Variants in SYNCRIP observed in about 807,000 individuals in gnomAD.
SYNCRIP encodes synaptotagmin binding cytoplasmic RNA interacting protein.
In SYNCRIP, 9 loss-of-function variants were observed where a neutral mutation model predicts 68.9. That is an observed-to-expected ratio of 0.13 (90% CI 0.08 to 0.23). The LOEUF (loss-of-function observed/expected upper bound fraction) is 0.23, where lower values mean the gene tolerates loss of function less well. SYNCRIP is among the 10% of genes least tolerant of loss of function. The pLI, the probability that SYNCRIP is intolerant of heterozygous loss-of-function variation, is 1.00. For synonymous variants in SYNCRIP, 258 were observed against 254.0 expected, an observed-to-expected ratio of 1.02 and a Z score of -0.15; for missense variants, 414 against 770.6, an observed-to-expected ratio of 0.54 and a Z score of 5.48.
intron 10 of SYNCRIP, among the ~76,000 whole-genome samples, chr6:85,617,665 T>C (rs866377780): frequency 6.6e-6 from 1 of 152,240 alleles, no homozygotes; most frequent in South Asian, 2.1e-4. Context: ...GGTTCAGAGC[T>C]TGCCAACTTG....
At chr6:85,629,409 C>T (rs554093563) in intron 6 of SYNCRIP, among the ~76,000 whole-genome samples, 1 of 151,436 alleles carries the variant, frequency 6.6e-6, no homozygotes, top group Non-Finnish European at 1.5e-5. Context: ...TATCTCTGAA[C>T]CTACCTTGTC....
At chr6:85,622,364 G>C (rs776324151) in intron 8 of SYNCRIP, 118 bp downstream of exon 8, 1 of 980,648 alleles carries the variant, frequency 1.0e-6, no homozygotes, top group African/African-American at 1.6e-5. Flanking sequence ...GGAAACAAGA[G>C]ACTCTTGTCT....
intron 6 of SYNCRIP, among the ~76,000 whole-genome samples, chr6:85,628,728 G>C (rs1807352579): frequency 6.6e-6 from 1 of 152,182 alleles, no homozygotes; most frequent in Admixed American, 6.5e-5. Context: ...ACCACAGCTT[G>C]TTAAACTAGT....
At chr6:85,640,399 T>C in intron 3 of SYNCRIP, 47 bp downstream of exon 3, 2 of 1,573,140 alleles carry the variant, frequency 1.3e-6, no homozygotes, top group Non-Finnish European at 1.7e-6. Flanking sequence ...GCAGATAGTA[T>C]CAAAACTACT....
intron 10 of SYNCRIP, 142 bp downstream of exon 10, chr6:85,618,676 G>T: frequency 3.2e-6 from 2 of 618,778 alleles, no homozygotes; most frequent in Non-Finnish European, 5.4e-6. Context: ...GATCACTGGT[G>T]TTTCCCTATG....
At chr6:85,643,855 T>G (rs899294516), upstream of SYNCRIP, 1 of 152,016 alleles carries the variant, frequency 6.6e-6, no homozygotes, top group Non-Finnish European at 1.5e-5. Flanking sequence ...CTCGGGAAGC[T>G]GCAGGCGCAC....
In SYNCRIP at chr6:85,614,414, T is replaced by C; in HGVS notation, c.*342A>G. 1 of 1,015,804 alleles carries C rather than the reference T, an allele frequency of 9.8e-7. No individual in the cohort carries two copies. The highest frequency in any genetic ancestry group is 1.2e-6 in the Non-Finnish European group (1 of 850,544). The allele number at this position is 1,015,804 out of a possible 1,614,324, so 62.9% of individuals were successfully genotyped here. A position where few individuals can be genotyped will look rare whatever the true frequency, so the allele number is the denominator to read the frequency against. ...AAGATATTAAAGACACACTTGGTTT[T>C]AATCAACTACCTTTGAAGACACCAA... On this transcript the variant is annotated 3_prime_UTR_variant, in exon 11 of 11. Coordinates refer to ENST00000369622, the MANE Select transcript of SYNCRIP (RefSeq NM_006372.5).
chr6:85,614,464 T>C lies in SYNCRIP; in HGVS notation c.*292A>G, dbSNP rs1805535505. The C allele has an allele frequency of 2.7e-6, 3 of 1,106,138 alleles. No individual in the cohort carries two copies. The highest frequency in any genetic ancestry group is 3.3e-6 in the Non-Finnish European group (3 of 908,006). The allele number at this position is 1,106,138 out of a possible 1,614,324, so 68.5% of individuals were successfully genotyped here. A position where few individuals can be genotyped will look rare whatever the true frequency, so the allele number is the denominator to read the frequency against. Reference sequence around the variant, plus strand: ...AATCTAAACACTACTGGAAACATCGTTGACACTACAGCCAAATGGACTTGA... The same window carrying C: ...AATCTAAACACTACTGGAAACATCGCTGACACTACAGCCAAATGGACTTGA... On this transcript the variant is annotated 3_prime_UTR_variant, in exon 11 of 11. Transcript: ENST00000369622.
At position 85,614,615 on chromosome 6, in the gene SYNCRIP, T is replaced by C. The variant is rs1805550329; in HGVS notation, c.*141A>G. 7.6e-7 allele frequency: 1 copy of C among 1,321,090 alleles called. No individual in the cohort carries two copies. The highest frequency in any genetic ancestry group is 2.9e-5 in the East Asian group (1 of 33,936). 81.8% of individuals were successfully genotyped at this position (1,321,090 alleles called of 1,614,324 possible). On this transcript the variant is annotated 3_prime_UTR_variant, in exon 11 of 11. Coordinates refer to ENST00000369622, the MANE Select transcript of SYNCRIP (RefSeq NM_006372.5). ...GAAGCAGTTAGAAGTGTGGCTTTGT[T>C]CGTGTCCAAGCGGATTGTTAAAATA...
chr6:85,612,046 A>C (rs1470594557), downstream of SYNCRIP: 1 of 152,144 alleles, frequency 6.6e-6, no homozygotes, highest in African/African-American at 2.4e-5. Context: ...ATATCTGAAG[A>C]AGCAAGGCTG....
At chr6:85,613,259 G>A (rs1428418687), downstream of SYNCRIP, among the ~76,000 whole-genome samples, 2 of 151,598 alleles carry the variant, frequency 1.3e-5, no homozygotes, top group East Asian at 1.9e-4. Flanking sequence ...TAACTTGCAA[G>A]TAATTCCCAT....
intron 10 of SYNCRIP, 105 bp downstream of exon 10, chr6:85,618,713 A>T (rs2758843): frequency 0.4 from 371,719 of 940,706 alleles, 75,671 homozygotes; most frequent in East Asian, 0.63. Flanking sequence ...GTCTTCTTTA[A>T]AGAGATGTTA....
intron 6 of SYNCRIP, among the ~76,000 whole-genome samples, chr6:85,629,658 C>T (rs1009069416): frequency 1.3e-5 from 2 of 151,742 alleles, no homozygotes; most frequent in Admixed American, 1.3e-4. Flanking sequence ...CCCATCTCTA[C>T]TAAAAACACA....
At chr6:85,631,173 T>C (rs887520147) in intron 6 of SYNCRIP, among the ~76,000 whole-genome samples, 2 of 151,954 alleles carry the variant, frequency 1.3e-5, no homozygotes, top group Non-Finnish European at 2.9e-5. Flanking sequence ...CAAAACGCCA[T>C]CTCTACTAAA....
intron 10 of SYNCRIP, among the ~76,000 whole-genome samples, chr6:85,616,048 G>A (rs965892885): frequency 5.3e-5 from 8 of 152,116 alleles, no homozygotes; most frequent in Non-Finnish European, 7.4e-5. Flanking sequence ...AAACTACACC[G>A]TAACTATAGT....
intron 6 of SYNCRIP, among the ~76,000 whole-genome samples, chr6:85,634,487 G>A (rs938144547): frequency 1.3e-5 from 2 of 152,116 alleles, no homozygotes; most frequent in Non-Finnish European, 2.9e-5. Context: ...ACTGATTCCA[G>A]GAACCCATAC....
At chr6:85,622,002 T>G (rs1350397865) in intron 8 of SYNCRIP, among the ~76,000 whole-genome samples, 1 of 148,736 alleles carries the variant, frequency 6.7e-6, no homozygotes, top group Non-Finnish European at 1.5e-5. Context: ...TGCAGGCACA[T>G]GGTATTTCCA....
At chr6:85,638,425 T>C (rs377455584) in intron 4 of SYNCRIP, among the ~76,000 whole-genome samples, 4 of 135,588 alleles carry the variant, frequency 3.0e-5, no homozygotes, top group African/African-American at 1.1e-4. Context: ...ACTCCTCCAT[T>C]ATCTGAAGGA....
intron 1 of SYNCRIP, among the ~76,000 whole-genome samples, chr6:85,642,172 AC>A (rs947426159): frequency 5.3e-5 from 8 of 151,804 alleles, no homozygotes; most frequent in Non-Finnish European, 1.0e-4. Context: ...TCCCCTGAAC[AC>A]CGAGGCACCG....
Sources: allele counts gnomAD v4.1 joint callset (sites outside exome capture counted in the v4.1 genomes callset), GRCh38; gene constraint gnomAD v4.1.1; transcripts MANE v1.5; gene names NCBI Gene and HGNC (gene_info 2026-07-23, HGNC 2026-07-21).